Variants in NDUFA9 observed in about 807,000 individuals in gnomAD.
The protein encoded by NDUFA9 is NADH:ubiquinone oxidoreductase subunit A9, also known as NADH dehydrogenase [ubiquinone] 1 alpha subcomplex subunit 9, mitochondrial.
Under a neutral mutation model 45.9 loss-of-function variants are expected in NDUFA9, and 23 were observed. The ratio of observed to expected loss-of-function variants is 0.50; its 90% confidence interval spans 0.36 to 0.71. The LOEUF is 0.71. NDUFA9 is among the 30% of genes least tolerant of loss of function. The pLI is 0.00. For synonymous variants in NDUFA9, 176 were observed against 170.5 expected (o/e 1.03, Z -0.25); for missense variants, 466 against 488.2 (o/e 0.95, Z 0.43).
intron 8 of NDUFA9, among the ~76,000 whole-genome samples, chr12:4,677,435 G>A (rs1201755252): frequency 6.6e-6 from 1 of 152,116 alleles, no homozygotes; most frequent in Non-Finnish European, 1.5e-5. Context: ...AATCTACAAA[G>A]AACTTAAACA....
chr12:4,668,459 A>G lies in NDUFA9; in HGVS notation c.658A>G (p.Met220Val). 1 of 1,612,676 alleles carries G rather than the reference A, an allele frequency of 6.2e-7. No individual in the cohort carries two copies. The highest frequency in any genetic ancestry group is 8.5e-7 in the Non-Finnish European group (1 of 1,178,688). The change falls in exon 7 of 11, where the codon ATG becomes GTG. Residue 220 changes from methionine (M) to valine (V), a missense_variant and splice_region_variant. By Grantham distance (21) the Met-to-Val change is conservative (BLOSUM62 1). Transcript: ENST00000266544. ...EDRFLNSFAS[M>V]HRFGPIPLGS... ...GTTCTCATTCTTTCTTCCGCTAGGT[A>G]TGCATCGGTTTGGTCCTATACCCCT... is the stretch of plus-strand genomic sequence containing the variant.
intron 5 of NDUFA9, among the ~76,000 whole-genome samples, chr12:4,659,793 A>G (rs1945813529): frequency 6.6e-6 from 1 of 152,214 alleles, no homozygotes; most frequent in African/African-American, 2.4e-5. Context: ...GGATTCTGCC[A>G]TATGGAAGCC....
intron 8 of NDUFA9, among the ~76,000 whole-genome samples, chr12:4,672,551 G>A (rs1028121493): frequency 1.3e-5 from 2 of 152,144 alleles, no homozygotes; most frequent in African/African-American, 4.8e-5. Context: ...GGGAGGGAGG[G>A]GCGTCCACCA....
chr12:4,657,787 G>A lies in NDUFA9; in HGVS notation c.358G>A (p.Val120Ile). Residue 120 changes from valine to isoleucine, a missense_variant, in exon 4 of 11, where the codon GTA becomes ATA. Transcript: ENST00000266544. ...ARDKDSIRRV[V>I]QHSNVVINLI... The stretch of plus-strand genomic sequence containing the variant: ...AGATAAAGATTCTATCCGACGAGTA[G>A]TACAACACAGCAATGTGGTCATCAA... 1.9e-6 allele frequency: 3 copies of A among 1,613,788 alleles called. No homozygotes were observed. Among genetic ancestry groups the A allele is most frequent in the Non-Finnish European group, 2.5e-6 (3 of 1,179,740 alleles).
At chr12:4,685,128 A>G in intron 9 of NDUFA9, 131 bp from the exon 10 acceptor site, 1 of 810,142 alleles carries the variant, frequency 1.2e-6, no homozygotes, top group Admixed American at 2.0e-5. Context: ...CGAGGTGGTT[A>G]TTTTCTTAAA....
At chr12:4,674,988 A>T (rs1653263358) in intron 8 of NDUFA9, among the ~76,000 whole-genome samples, 2 of 152,246 alleles carry the variant, frequency 1.3e-5, no homozygotes, top group South Asian at 4.1e-4. Flanking sequence ...AGGACAATCA[A>T]ATTAGAACTC....
intron 7 of NDUFA9, 67 bp from the exon 8 acceptor site, chr12:4,669,674 A>C (rs752342061): frequency 3.5e-5 from 34 of 978,470 alleles, no homozygotes; most frequent in Non-Finnish European, 3.9e-5. Context: ...CTTTCTTTCT[A>C]TCTCTCCATC....
rs770292212 is a variant in NDUFA9 at position 4,654,897 on chromosome 12, G to A, written c.293G>A (p.Gly98Asp). Reference sequence around the variant, plus strand: ...GACATCATGCACCTTCGTCCCATGGGTGACCTGGGCCAGCTTCTGTTTCTG... The same window carrying A: ...GACATCATGCACCTTCGTCCCATGGATGACCTGGGCCAGCTTCTGTTTCTG... ...KYDIMHLRPM[G>D]DLGQLLFLEW... Residue 98 changes from glycine to aspartate, a missense_variant, in exon 3 of 11, where the codon GGT becomes GAT. By Grantham distance (94) the Gly-to-Asp change is moderately conservative. Coordinates refer to ENST00000266544, the MANE Select transcript of NDUFA9 (RefSeq NM_005002.5). 1.2e-6 allele frequency: 2 copies of A among 1,613,806 alleles called. No individual in the cohort carries two copies. The highest frequency in any genetic ancestry group is 1.3e-5 in the African/African-American group (1 of 75,006).
chr12:4,655,756 A>G (rs1326028368), intron 3 of NDUFA9: 1 of 152,176 alleles, frequency 6.6e-6, no homozygotes, highest in African/African-American at 2.4e-5. Context: ...GTAGTTGCCA[A>G]TGCGGTGAGG....
chr12:4,668,064 T>C (rs77569174), intron 6 of NDUFA9, among the ~76,000 whole-genome samples: 1,809 of 152,222 alleles, frequency 0.012, 36 homozygotes, highest in African/African-American at 0.041. Context: ...GCAGAACTCA[T>C]CTAGATATTA....
chr12:4,653,364 G>C (rs1248136672), intron 1 of NDUFA9: 1 of 233,776 alleles, frequency 4.3e-6, no homozygotes, highest in Non-Finnish European at 8.5e-6. Flanking sequence ...GATTCCCCTT[G>C]TGGTAGAACT....
intron 3 of NDUFA9, among the ~76,000 whole-genome samples, chr12:4,656,343 C>G (rs951837812): frequency 1.3e-5 from 2 of 152,150 alleles, no homozygotes; most frequent in Admixed American, 1.3e-4. Context: ...CTTGTCAGAG[C>G]CTCAAAATTG....
At chr12:4,669,686 C>T in intron 7 of NDUFA9, 55 bp from the exon 8 acceptor site, 1 of 1,138,522 alleles carries the variant, frequency 8.8e-7, no homozygotes. Context: ...CTCTCCATCT[C>T]CCATTCTGTC....
intron 8 of NDUFA9, among the ~76,000 whole-genome samples, chr12:4,672,656 CTG>C (rs1414275301): frequency 6.6e-6 from 1 of 152,236 alleles, no homozygotes; most frequent in Non-Finnish European, 1.5e-5. Context: ...CAGGAAGACA[CTG>C]TGGCCAGACT....
chr12:4,686,400 C>T (rs1427170868), intron 10 of NDUFA9, among the ~76,000 whole-genome samples: 1 of 149,786 alleles, frequency 6.7e-6, no homozygotes, highest in Non-Finnish European at 1.5e-5. Context: ...AGGTTGAGTA[C>T]AGCTGGAGCA....
chr12:4,656,931 T>C (rs1345648678), intron 3 of NDUFA9, among the ~76,000 whole-genome samples: 1 of 152,234 alleles, frequency 6.6e-6, no homozygotes, highest in East Asian at 1.9e-4. Context: ...GGGCTTCATC[T>C]TTTTGTTCTT....
At chr12:4,683,351 A>G (rs1400658413) in intron 9 of NDUFA9, among the ~76,000 whole-genome samples, 9 of 152,218 alleles carry the variant, frequency 5.9e-5, no homozygotes, top group Non-Finnish European at 4.4e-5. Context: ...TGTCACATCC[A>G]TTGTGCCACA....
In NDUFA9 at chr12:4,687,092, A is replaced by G. The variant is rs1222066198; in HGVS notation, c.1118A>G (p.Lys373Arg). 6.2e-7 allele frequency: 1 copy of G among 1,614,194 alleles called. No individual in the cohort carries two copies. The highest frequency in any genetic ancestry group is 8.5e-7 in the Non-Finnish European group (1 of 1,180,036). The part of the protein sequence containing the change: ...SAEIEDVKPA[K>R]TVNI ...GAAATTGAGGATGTGAAGCCGGCCA[A>G]GACCGTCAACATTTAGTGCCTCCTG... The change falls in exon 11 of 11, where the codon AAG becomes AGG. Residue 373 changes from lysine (K) to arginine (R), a missense_variant. Lys to Arg is a conservative substitution (Grantham distance 26). Transcript: ENST00000266544.
At chr12:4,676,372 G>T (rs1008409560) in intron 8 of NDUFA9, among the ~76,000 whole-genome samples, 4 of 152,202 alleles carry the variant, frequency 2.6e-5, no homozygotes, top group Non-Finnish European at 5.9e-5. Flanking sequence ...CAGATGACAT[G>T]ATTGTATATT....
Sources: gnomAD v4.1 joint callset for allele counts (sites outside exome capture counted in the v4.1 genomes callset) on GRCh38, gnomAD v4.1.1 for gene constraint, MANE v1.5 for transcripts, NCBI Gene and HGNC (gene_info 2026-07-23, HGNC 2026-07-21) for gene names.